CSGALNACT2: variants seen among roughly 807,000 people sequenced by gnomAD.
The protein encoded by CSGALNACT2 is beta 4 GalNAcT-2.
In CSGALNACT2, 35 loss-of-function variants were observed where a neutral mutation model predicts 55.3. The observed-to-expected ratio is 0.63, with a 90% CI of 0.48 to 0.84. The LOEUF is 0.84. Ranked by LOEUF, CSGALNACT2 falls within the 40% of genes least tolerant of loss-of-function variation. CSGALNACT2 has a pLI of 0.00. For missense variants in CSGALNACT2, 544 were observed against 657.5 expected, an observed-to-expected ratio of 0.83 and a Z score of 1.89; for synonymous variants, 196 against 224.9, an observed-to-expected ratio of 0.87 and a Z score of 1.15.
Position 43,154,514 on chromosome 10 carries a change from A to G in CSGALNACT2, c.-253-383A>G, listed in dbSNP as rs1011414299. 3.3e-5 allele frequency among the ~76,000 whole-genome samples: 5 copies of G among 152,130 alleles called. No individual in the cohort carries two copies. In the South Asian group the frequency reaches 1.0e-3, roughly 32 times the overall value. ...TTTGGGAGGCCAAGACAGGCAGATC[A>G]CCTGAGGTCAGGACCAGCCTGGCTA... is the stretch of plus-strand genomic sequence containing the variant. On this transcript the variant is annotated intron_variant, in intron 1 of 7. Coordinates refer to ENST00000374466, the MANE Select transcript of CSGALNACT2 (RefSeq NM_018590.5).
chr10:43,178,393 C>G (rs760977305), intron 7 of CSGALNACT2, among the ~76,000 whole-genome samples: 13 of 152,116 alleles, frequency 8.5e-5, no homozygotes, highest in African/African-American at 3.1e-4. Context: ...GAGGCCGAGG[C>G]GGGCAGATCA....
rs550992221 is a variant in CSGALNACT2 at position 43,162,823 on chromosome 10, A to G, written c.981-1043A>G. 78 of 932,068 alleles carry G rather than the reference A, an allele frequency of 8.4e-5. No individual in the cohort carries two copies. In the African/African-American group the frequency reaches 1.2e-3, roughly 14 times the overall value. 57.7% of individuals were successfully genotyped at this position (932,068 alleles called of 1,614,324 possible). ...TAGTCTGAGAGTTTGCTTCTCTAACATGTTAACACAGGAAGCTGATGCTGT... is the reference window on the plus strand; with the variant it reads ...TAGTCTGAGAGTTTGCTTCTCTAACGTGTTAACACAGGAAGCTGATGCTGT... On this transcript the variant is annotated intron_variant, in intron 4 of 7. Coordinates refer to ENST00000374466, the MANE Select transcript of CSGALNACT2 (RefSeq NM_018590.5).
At chr10:43,165,475 A>G (rs1469376327) in intron 5 of CSGALNACT2, among the ~76,000 whole-genome samples, 1 of 152,024 alleles carries the variant, frequency 6.6e-6, no homozygotes, top group Admixed American at 6.6e-5. Flanking sequence ...GTTGTACACC[A>G]TTTTTATTAG....
chr10:43,146,078 G>A, intron 1 of CSGALNACT2, among the ~76,000 whole-genome samples: 1 of 152,152 alleles, frequency 6.6e-6, no homozygotes, highest in South Asian at 2.1e-4. Flanking sequence ...GAGGATATAT[G>A]TATATATGAA....
chr10:43,144,004 T>G (rs762305339), intron 1 of CSGALNACT2, among the ~76,000 whole-genome samples: 4 of 152,212 alleles, frequency 2.6e-5, no homozygotes, highest in Non-Finnish European at 5.9e-5. Context: ...TTCCTAGATA[T>G]TTACACTTCA....
chr10:43,167,361 G>GTTTT (rs1379967952), intron 6 of CSGALNACT2, among the ~76,000 whole-genome samples: 1,775 of 152,154 alleles, frequency 0.012, 37 homozygotes, highest in African/African-American at 0.04. Flanking sequence ...CCAGAATGTG[G>GTTTT]AAATTGTACA....
intron 6 of CSGALNACT2, among the ~76,000 whole-genome samples, chr10:43,175,213 G>C (rs1839455158): frequency 6.6e-6 from 1 of 152,044 alleles, no homozygotes; most frequent in Non-Finnish European, 1.5e-5. Context: ...AGCACCCATA[G>C]ACAATTTGTA....
intron 1 of CSGALNACT2, among the ~76,000 whole-genome samples, chr10:43,146,006 A>G (rs967679502): frequency 3.3e-5 from 5 of 152,196 alleles, no homozygotes; most frequent in South Asian, 2.1e-4. Flanking sequence ...TCTCTCTAAA[A>G]AAAGATTTTT....
intron 3 of CSGALNACT2, among the ~76,000 whole-genome samples, chr10:43,160,108 T>C (rs1385760347): frequency 6.6e-6 from 1 of 152,250 alleles, no homozygotes; most frequent in Non-Finnish European, 1.5e-5. Context: ...TCCTTAATGA[T>C]AGTTACAATT....
intron 4 of CSGALNACT2, chr10:43,163,104 C>T (rs1454826709): frequency 4.6e-5 from 45 of 985,196 alleles, no homozygotes; most frequent in Non-Finnish European, 2.4e-6. Flanking sequence ...ACCTCTTTGC[C>T]TTTGAGAATA....
chr10:43,172,135 T>C (rs1839394992), intron 6 of CSGALNACT2, among the ~76,000 whole-genome samples: 1 of 152,294 alleles, frequency 6.6e-6, no homozygotes, highest in South Asian at 2.1e-4. Flanking sequence ...CAACAGTCTT[T>C]CCTGGGGAAG....
rs1368279349 is a variant in CSGALNACT2, at chr10:43,183,841, A to G, written c.*299A>G. 2.5e-6 allele frequency: 1 copy of G among 392,494 alleles called. No individual in the cohort carries two copies. Among genetic ancestry groups the G allele is most frequent in the African/African-American group, 2.0e-5 (1 of 48,902 alleles). The allele number at this position is 392,494 out of a possible 1,614,324, so 24.3% of individuals were successfully genotyped here. On this transcript the variant is annotated 3_prime_UTR_variant, in exon 8 of 8. Transcript: ENST00000374466. ...TGCCCATGTTCTGATTGTGTGTGGGATTGCATGGTGTCCTGATTGCATCTA... is the reference window on the plus strand; with the variant it reads ...TGCCCATGTTCTGATTGTGTGTGGGGTTGCATGGTGTCCTGATTGCATCTA...
chr10:43,157,735 A>C (rs1839045768), intron 2 of CSGALNACT2, among the ~76,000 whole-genome samples: 1 of 152,172 alleles, frequency 6.6e-6, no homozygotes, highest in African/African-American at 2.4e-5. Context: ...CGCCATACTT[A>C]AAAATCAGAT....
intron 1 of CSGALNACT2, among the ~76,000 whole-genome samples, chr10:43,142,515 T>C (rs1838651595): frequency 3.3e-5 from 5 of 152,188 alleles, no homozygotes; most frequent in Non-Finnish European, 7.3e-5. Context: ...TACTTTCTAA[T>C]GCTTTGGGGA....
intron 6 of CSGALNACT2, among the ~76,000 whole-genome samples, chr10:43,175,389 A>G (rs1312957959): frequency 1.3e-5 from 2 of 152,104 alleles, no homozygotes; most frequent in African/African-American, 2.4e-5. Flanking sequence ...GTTCCCAACA[A>G]CCACCCTGGT....
intron 1 of CSGALNACT2, among the ~76,000 whole-genome samples, chr10:43,144,995 T>C (rs1838712679): frequency 6.6e-6 from 1 of 152,232 alleles, no homozygotes; most frequent in Non-Finnish European, 1.5e-5. Context: ...TCCTTTTTAT[T>C]GCTAAGCAGT....
intron 4 of CSGALNACT2, among the ~76,000 whole-genome samples, chr10:43,161,974 G>A (rs992649719): frequency 5.3e-5 from 8 of 152,174 alleles, no homozygotes; most frequent in Non-Finnish European, 8.8e-5. Flanking sequence ...CACTTCTGTG[G>A]CAAATGGTGT....
intron 1 of CSGALNACT2, among the ~76,000 whole-genome samples, chr10:43,147,801 T>G (rs893061634): frequency 3.5e-5 from 5 of 143,396 alleles, no homozygotes; most frequent in African/African-American, 1.3e-4. Flanking sequence ...TTTTTTTTTT[T>G]GCTTTTTAAA....
intron 6 of CSGALNACT2, among the ~76,000 whole-genome samples, chr10:43,172,974 G>C (rs1382240232): frequency 6.6e-6 from 1 of 152,194 alleles, no homozygotes; most frequent in Non-Finnish European, 1.5e-5. Context: ...CAGCCGGTGA[G>C]GGGCACATAG....
Sources: allele counts gnomAD v4.1 joint callset (sites outside exome capture counted in the v4.1 genomes callset), GRCh38; gene constraint gnomAD v4.1.1; transcripts MANE v1.5; gene names NCBI Gene and HGNC (gene_info 2026-07-23, HGNC 2026-07-21).